The following PRKCE variants were observed in gnomAD, a reference collection of about 807,000 sequenced individuals.
PRKCE encodes protein kinase C epsilon.
A neutral mutation model predicts 85.4 loss-of-function variants in PRKCE; 16 were observed. The observed-to-expected ratio is 0.19, with a 90% confidence interval of 0.13 to 0.28. PRKCE has a LOEUF of 0.28. Ranked by LOEUF, PRKCE falls within the 10% of genes least tolerant of loss-of-function variation. The probability of loss-of-function intolerance (pLI) is 1.00; values close to 1 mark genes in which losing one functional copy is unlikely to be tolerated. For missense variants in PRKCE, 573 were observed against 975.2 expected, an observed-to-expected ratio of 0.59 and a Z score of 5.49; for synonymous variants, 388 against 371.5, an observed-to-expected ratio of 1.04 and a Z score of -0.51.
intron 1 of PRKCE, among the ~76,000 whole-genome samples, chr2:45,766,235 T>A (rs1485526190): frequency 6.6e-6 from 1 of 152,180 alleles, no homozygotes; most frequent in Non-Finnish European, 1.5e-5. Flanking sequence ...CAGGGCAAGA[T>A]AATCGACTGG....
intron 2 of PRKCE, among the ~76,000 whole-genome samples, chr2:45,881,080 G>C (rs1438478707): frequency 6.7e-6 from 1 of 150,278 alleles, no homozygotes; most frequent in Non-Finnish European, 1.5e-5. Context: ...GTGAACCCGG[G>C]AGGCGGAGCT....
At chr2:45,901,138 T>C (rs1011145779) in intron 2 of PRKCE, among the ~76,000 whole-genome samples, 1 of 152,232 alleles carries the variant, frequency 6.6e-6, no homozygotes, top group African/African-American at 2.4e-5. Flanking sequence ...TGTATATAGA[T>C]GTTTGGAATC....
chr2:45,741,525 C>G (rs977950780), intron 1 of PRKCE, among the ~76,000 whole-genome samples: 7 of 152,220 alleles, frequency 4.6e-5, no homozygotes, highest in African/African-American at 1.7e-4. Context: ...CAGCAATGCT[C>G]TGGTGGAACG....
chr2:46,048,606 C>G (rs1708668664), intron 10 of PRKCE, among the ~76,000 whole-genome samples: 2 of 152,166 alleles, frequency 1.3e-5, no homozygotes, highest in South Asian at 4.1e-4. Context: ...TCCCCTTTGT[C>G]CACGCACTTG....
rs533288888 is a variant in PRKCE, at chr2:45,802,508, CTA to C, written c.349-40490_349-40489del. On this transcript the variant is annotated intron_variant, in intron 1 of 14. Coordinates refer to ENST00000306156, the MANE Select transcript of PRKCE (RefSeq NM_005400.3). ...GTTTTGAAAACCTCAACGGAGTAGA[CTA>C]TTATAAAGCCTTTCACAGCCTGCCT... Among the ~76,000 whole-genome samples the C allele has an allele frequency of 5.5e-4, 83 of 152,216 alleles. No homozygotes were observed. The South Asian group carries it at 6.4e-3, about 12-fold the overall frequency.
chr2:45,935,257 T>A (rs772260193), intron 2 of PRKCE, among the ~76,000 whole-genome samples: 1 of 152,230 alleles, frequency 6.6e-6, no homozygotes, highest in East Asian at 1.9e-4. Flanking sequence ...TTAAAGTACA[T>A]ACATCTTTTC....
At chr2:45,935,272 C>T (rs1340510062) in intron 2 of PRKCE, among the ~76,000 whole-genome samples, 4 of 152,152 alleles carry the variant, frequency 2.6e-5, no homozygotes, top group African/African-American at 9.7e-5. Context: ...CTTTTCTTTG[C>T]ATGATTCTCT....
intron 14 of PRKCE, among the ~76,000 whole-genome samples, chr2:46,178,011 G>C (rs1679591324): frequency 6.6e-6 from 1 of 152,212 alleles, no homozygotes; most frequent in South Asian, 2.1e-4. Context: ...TGTGATCCCA[G>C]CACTTTGGGA....
At chr2:45,659,984 A>C (rs1252392757) in intron 1 of PRKCE, among the ~76,000 whole-genome samples, 3 of 152,188 alleles carry the variant, frequency 2.0e-5, no homozygotes, top group Admixed American at 6.5e-5. Flanking sequence ...TCAGCACCCA[A>C]AACAGTGCCT....
chr2:45,829,367 T>G (rs1370178463), intron 1 of PRKCE, among the ~76,000 whole-genome samples: 4 of 152,232 alleles, frequency 2.6e-5, no homozygotes, highest in Admixed American at 6.5e-5. Flanking sequence ...TTGGAGCTTC[T>G]ATTCAAGGTG....
At chr2:45,776,317 C>T (rs1685744893) in intron 1 of PRKCE, among the ~76,000 whole-genome samples, 1 of 152,230 alleles carries the variant, frequency 6.6e-6, no homozygotes, top group East Asian at 1.9e-4. Context: ...GGTCAGGGAT[C>T]AGACATCATT....
chr2:45,753,157 C>T (rs1336789465), intron 1 of PRKCE, among the ~76,000 whole-genome samples: 1 of 152,114 alleles, frequency 6.6e-6, no homozygotes, highest in African/African-American at 2.4e-5. Context: ...GGGTTACCTA[C>T]CACCCCAGGG....
At chr2:45,832,735 T>C (rs949472540) in intron 1 of PRKCE, among the ~76,000 whole-genome samples, 4 of 152,170 alleles carry the variant, frequency 2.6e-5, no homozygotes, top group African/African-American at 9.6e-5. Context: ...AGGTACCTAT[T>C]GGAAGCATTG....
chr2:45,980,127 A>C (rs1487186997), intron 4 of PRKCE, among the ~76,000 whole-genome samples, 169 bp from the exon 5 acceptor site: 1 of 152,204 alleles, frequency 6.6e-6, no homozygotes, highest in Non-Finnish European at 1.5e-5. Context: ...CTGATAGGAC[A>C]GTGTTTTGAA....
In PRKCE at chr2:46,004,570, C is replaced by T; in HGVS notation, c.995C>T (p.Pro332Leu). 1.9e-6 allele frequency: 3 copies of T among 1,590,586 alleles called. No homozygotes were observed. Among genetic ancestry groups the T allele is most frequent in the Non-Finnish European group, 1.7e-6 (2 of 1,175,654 alleles). Reference sequence around the variant, plus strand: ...ATTGCTGGTGCCGAGTCCCCGCAGCCTGCTTCTGGAAGCTCACCATCTGAG... The same window carrying T: ...ATTGCTGGTGCCGAGTCCCCGCAGCTTGCTTCTGGAAGCTCACCATCTGAG... ...KLIAGAESPQ[P>L]ASGSSPSEED... is the part of the protein sequence containing the mutation. Residue 332 changes from proline to leucine, a missense_variant, in exon 8 of 15, where the codon CCT becomes CTT. Transcript: ENST00000306156. This position sits in a 1 kb window ranked among gnomAD's most constrained non-coding sequence, Gnocchi z 4.1.
chr2:46,083,647 G>C (rs1290692082), intron 10 of PRKCE, among the ~76,000 whole-genome samples: 1 of 152,158 alleles, frequency 6.6e-6, no homozygotes, highest in Non-Finnish European at 1.5e-5. Context: ...GAGGCTGTCA[G>C]AGTGTTGTCC....
intron 6 of PRKCE, among the ~76,000 whole-genome samples, chr2:46,000,438 A>G (rs1459442945): frequency 7.4e-6 from 1 of 135,166 alleles, no homozygotes; most frequent in Admixed American, 7.7e-5. Flanking sequence ...TCGGGGTCTG[A>G]TAAAACCTCA....
At chr2:46,121,540 T>G (rs1429720031) in intron 11 of PRKCE, among the ~76,000 whole-genome samples, 3 of 152,130 alleles carry the variant, frequency 2.0e-5, no homozygotes, top group Admixed American at 2.0e-4. Flanking sequence ...CTCTGAGATA[T>G]TATAGAGGGG....
intron 10 of PRKCE, among the ~76,000 whole-genome samples, chr2:46,062,870 C>T (rs1315782236): frequency 1.3e-5 from 2 of 152,072 alleles, no homozygotes; most frequent in Admixed American, 1.3e-4. Context: ...CTCAAGTGAT[C>T]CTCCCACCTC....
Sources: gnomAD v4.1 joint callset for allele counts (sites outside exome capture counted in the v4.1 genomes callset) on GRCh38, gnomAD v4.1.1 for gene constraint, Gnocchi (gnomAD v3.1) non-coding constraint, MANE v1.5 for transcripts, NCBI Gene and HGNC (gene_info 2026-07-23, HGNC 2026-07-21) for gene names.